The following APC variants were observed in gnomAD, a reference collection of about 807,000 sequenced individuals.
APC encodes the protein APC regulator of Wnt signaling pathway.
In APC, 72 loss-of-function variants were observed where a neutral mutation model predicts 247.0. The observed-to-expected ratio is 0.29, with a 90% CI of 0.24 to 0.35. The LOEUF (loss-of-function observed/expected upper bound fraction) is 0.35. Ranked by LOEUF, APC falls within the 10% of genes least tolerant of loss-of-function variation. APC has a pLI of 1.00. For missense variants in APC, 3,400 were observed against 3,360.7 expected (o/e 1.01, Z -0.29); for synonymous variants, 1,254 against 1,162.5 (o/e 1.08, Z -1.60).
chr5:112,748,887 C>T (rs555323948), intron 1 of APC, among the ~76,000 whole-genome samples: 29 of 152,250 alleles, frequency 1.9e-4, no homozygotes, highest in African/African-American at 5.8e-4. Flanking sequence ...GTCCCAGTTA[C>T]TCTAGAGGCT....
rs762798174 is a variant in APC at position 112,840,725 on chromosome 5, C to G, written c.5131C>G (p.Pro1711Ala). 6.2e-7 allele frequency: 1 copy of G among 1,614,080 alleles called. No individual in the cohort carries two copies. The highest frequency in any genetic ancestry group is 1.1e-5 in the South Asian group (1 of 91,076). Residue 1711 changes from proline (P) to alanine (A), a missense_variant, in exon 16 of 16, where the codon CCT becomes GCT. Physicochemically the swap from Pro to Ala is conservative, Grantham distance 27. Around this residue, in one of 9 missense-constraint regions of APC, gnomAD observed 1,788 missense variants for 1,649.5 expected, o/e 1.08. Coordinates refer to ENST00000257430, the MANE Select transcript of APC (RefSeq NM_000038.6). The surrounding 1 kb of genome is among the most constrained non-coding windows in gnomAD (Gnocchi z 4.1). ...QGGKTSSVTIPELDDNKAEEG... is the reference protein window; with the variant it reads ...QGGKTSSVTIAELDDNKAEEG... ...AGGAAAAACCTCATCTGTAACCATACCTGAATTGGATGACAATAAAGCAGA... is the reference window on the plus strand; with the variant it reads ...AGGAAAAACCTCATCTGTAACCATAGCTGAATTGGATGACAATAAAGCAGA...
chr5:112,792,355 C>T (rs1282492322), intron 6 of APC, 91 bp from the exon 7 acceptor site: 3 of 832,188 alleles, frequency 3.6e-6, no homozygotes, highest in Non-Finnish European at 5.8e-6. Flanking sequence ...TTGACATAAC[C>T]CTGAGCTTTT....
At chr5:112,818,378 TCTCA>T (rs1316870866) in intron 9 of APC, among the ~76,000 whole-genome samples, 3 of 152,220 alleles carry the variant, frequency 2.0e-5, no homozygotes, top group Non-Finnish European at 4.4e-5. Flanking sequence ...AAATCCTGGC[TCTCA>T]CTCTGTATGA....
rs754691867 is a variant in APC at position 112,841,506 on chromosome 5, C to A, written c.5912C>A (p.Ser1971Tyr). 3 of 1,613,128 alleles carry A rather than the reference C, an allele frequency of 1.9e-6. No homozygotes were observed. The highest frequency in any genetic ancestry group is 8.5e-7 in the Non-Finnish European group (1 of 1,179,144). Reference sequence around the variant, plus strand: ...TTTTCTCATAATTCCTCTCTGAGTTCTCTCAGTGACATTGACCAAGAAAAC... The same window carrying A: ...TTTTCTCATAATTCCTCTCTGAGTTATCTCAGTGACATTGACCAAGAAAAC... ...VCFSHNSSLS[S>Y]LSDIDQENNN... Residue 1971 changes from serine to tyrosine, a missense_variant, in exon 16 of 16, where the codon TCT becomes TAT. Physicochemically the swap from Ser to Tyr is moderately radical, Grantham distance 144. Around this residue, in one of 9 missense-constraint regions of APC, gnomAD observed 1,788 missense variants for 1,649.5 expected, o/e 1.08. Coordinates refer to ENST00000257430, the MANE Select transcript of APC (RefSeq NM_000038.6). The surrounding 1 kb of genome is among the most constrained non-coding windows in gnomAD (Gnocchi z 4.6).
At chr5:112,728,904 C>T (rs895454004) in intron 1 of APC, among the ~76,000 whole-genome samples, 6 of 152,056 alleles carry the variant, frequency 3.9e-5, no homozygotes, top group African/African-American at 1.4e-4. Flanking sequence ...TTTTCATTGC[C>T]TATATGGTGA....
chr5:112,722,384 T>G (rs2149658633), intron 1 of APC, among the ~76,000 whole-genome samples: 1 of 152,222 alleles, frequency 6.6e-6, no homozygotes, highest in Middle Eastern at 3.4e-3. Flanking sequence ...TCTTGGGAAA[T>G]TTACCAATTA....
chr5:112,729,266 CAAT>C (rs937184350), intron 1 of APC, among the ~76,000 whole-genome samples: 9 of 152,154 alleles, frequency 5.9e-5, no homozygotes, highest in African/African-American at 1.9e-4. Flanking sequence ...CTTTGGAAAA[CAAT>C]GATGAGAGAG....
chr5:112,718,213 A>G (rs566474638), intron 1 of APC, among the ~76,000 whole-genome samples: 1 of 152,076 alleles, frequency 6.6e-6, no homozygotes, highest in African/African-American at 2.4e-5. Context: ...GATAATTCCA[A>G]TGTTGGGAAG....
chr5:112,784,311 G>A (rs1758706739), intron 6 of APC, among the ~76,000 whole-genome samples: 1 of 152,134 alleles, frequency 6.6e-6, no homozygotes, highest in African/African-American at 2.4e-5. Flanking sequence ...CAAGTGATCT[G>A]CCTGCCTTGA....
At chr5:112,717,927 TTTTTTTTTTTGCTTC>T in intron 1 of APC, among the ~76,000 whole-genome samples, 1 of 135,480 alleles carries the variant, frequency 7.4e-6, no homozygotes, top group Admixed American at 7.7e-5. Flanking sequence ...TTTTTTTTTT[TTTTTTTTTTTGCTTC>T]TTTTTGACCT....
At chr5:112,748,218 T>C (rs1753900699) in intron 1 of APC, among the ~76,000 whole-genome samples, 2 of 151,932 alleles carry the variant, frequency 1.3e-5, no homozygotes, top group Admixed American at 1.3e-4. Context: ...CAAAGGAAAG[T>C]GTGGGGAAAG....
chr5:112,719,503 G>T (rs1340184621), intron 1 of APC, among the ~76,000 whole-genome samples: 2 of 151,102 alleles, frequency 1.3e-5, no homozygotes, highest in Non-Finnish European at 2.9e-5. Context: ...GATTACAGGT[G>T]TGAGCCACTG....
At chr5:112,715,330 A>G (rs1354168396) in intron 1 of APC, among the ~76,000 whole-genome samples, 2 of 152,196 alleles carry the variant, frequency 1.3e-5, no homozygotes, top group Non-Finnish European at 2.9e-5. Flanking sequence ...TTATATATGT[A>G]CACATACACA....
intron 4 of APC, among the ~76,000 whole-genome samples, chr5:112,770,377 T>G (rs1268465642): frequency 4.6e-5 from 7 of 152,288 alleles, no homozygotes; most frequent in Admixed American, 1.3e-4. Flanking sequence ...ATTCTGACTT[T>G]TAACTCCAAG....
chr5:112,806,288 C>G (rs1399341678), intron 8 of APC, among the ~76,000 whole-genome samples: 1 of 152,166 alleles, frequency 6.6e-6, no homozygotes, highest in East Asian at 1.9e-4. Flanking sequence ...TTGTGTTTCC[C>G]CCACTAGACT....
Position 112,845,450 on chromosome 5 carries a change from T to C in APC, c.*1324T>C. The C allele has an allele frequency of 4.3e-6, 1 of 233,274 alleles. No homozygotes were observed. Among genetic ancestry groups the C allele is most frequent in the East Asian group, 6.1e-5 (1 of 16,518 alleles). 14.5% of individuals were successfully genotyped at this position (233,274 alleles called of 1,614,324 possible). On this transcript the variant is annotated 3_prime_UTR_variant, in exon 16 of 16. Transcript: ENST00000257430. Reference sequence around the variant, plus strand: ...AAACTGTCTTGCCCCTTCATCTTCTTGTTGCAACTGGGTCTGACATGAACA... The same window carrying C: ...AAACTGTCTTGCCCCTTCATCTTCTCGTTGCAACTGGGTCTGACATGAACA...
At position 112,758,270 on chromosome 5, in the gene APC, A is replaced by G. The variant is rs376834293; in HGVS notation, c.135+3245A>G. Among the ~76,000 whole-genome samples, 17 of 152,188 alleles carry G rather than the reference A, an allele frequency of 1.1e-4. No individual in the cohort carries two copies. In the East Asian group the frequency reaches 1.7e-3, roughly 16 times the overall value. On this transcript the variant is annotated intron_variant, in intron 2 of 15. Coordinates refer to ENST00000257430, the MANE Select transcript of APC (RefSeq NM_000038.6). ...AAAAAAGTTGTGTAGTGTATTTTTT[A>G]CTCCATGGCTAGAGCCCTCCCCCCA...
chr5:112,787,621 G>C (rs1216604699), intron 6 of APC, among the ~76,000 whole-genome samples: 1 of 152,074 alleles, frequency 6.6e-6, no homozygotes, highest in Non-Finnish European at 1.5e-5. Context: ...CATATCCCTT[G>C]CTCATTCCCT....
chr5:112,723,926 G>C (rs980688966), intron 1 of APC, among the ~76,000 whole-genome samples: 1 of 152,050 alleles, frequency 6.6e-6, no homozygotes, highest in African/African-American at 2.4e-5. Context: ...TTTTGGGGGG[G>C]TCCAGGGTTT....
Sources: gnomAD v4.1 joint callset for allele counts (sites outside exome capture counted in the v4.1 genomes callset) on GRCh38, gnomAD v4.1.1 for gene constraint, gnomAD v4.1.1 regional missense constraint, Gnocchi (gnomAD v3.1) non-coding constraint, MANE v1.5 for transcripts, NCBI Gene and HGNC (gene_info 2026-07-23, HGNC 2026-07-21) for gene names.